The following NCOA2 variants were observed in gnomAD, a reference collection of about 807,000 sequenced individuals.
The protein encoded by NCOA2 is nuclear receptor coactivator 2.
NCOA2 carries 21 observed loss-of-function variants against 145.1 expected under a neutral mutation model. The ratio of observed to expected loss-of-function variants is 0.14; its 90% CI spans 0.10 to 0.21. The LOEUF (loss-of-function observed/expected upper bound fraction) is 0.21, where lower values mean the gene tolerates loss of function less well. Ranked by LOEUF, NCOA2 falls within the 10% of genes least tolerant of loss-of-function variation. The pLI is 1.00. For synonymous variants in NCOA2, 619 were observed against 637.5 expected (o/e 0.97, Z 0.44); for missense variants, 1,472 against 1,837.6 (o/e 0.80, Z 3.64).
At chr8:70,453,387 T>A in the NCOA2 span, among the ~76,000 whole-genome samples, 1 of 152,210 alleles carries the variant, frequency 6.6e-6, no homozygotes, top group Non-Finnish European at 1.5e-5. Flanking sequence ...GTTGCCTCCT[T>A]CTTCACACAT....
chr8:70,141,287 T>A lies in NCOA2; in HGVS notation c.2925A>T (p.Pro975=), dbSNP rs780587178. The part of the protein sequence containing the change: ...CAATTSAMNR[P]VQGGMIRNPA... ...GGTTCCGAATCATACCTCCTTGGAC[T>A]GGCCGGTTCATGGCACTGGTGGTAG... is the stretch of plus-strand genomic sequence containing the variant. Residue 975 remains proline (P), a synonymous_variant, in exon 14 of 23, where the codon CCA becomes CCT. Transcript: ENST00000452400. The A allele has an allele frequency of 6.2e-7, 1 of 1,613,986 alleles. No homozygotes were observed. Among genetic ancestry groups the A allele is most frequent in the Non-Finnish European group, 8.5e-7 (1 of 1,179,882 alleles).
chr8:70,199,917 G>T (rs924863700), intron 4 of NCOA2, among the ~76,000 whole-genome samples: 27 of 152,114 alleles, frequency 1.8e-4, no homozygotes, highest in African/African-American at 6.5e-4. Context: ...GTATCCATGG[G>T]TTCTGCATTG....
At chr8:70,213,132 A>G (rs1819228044) in intron 4 of NCOA2, among the ~76,000 whole-genome samples, 1 of 151,406 alleles carries the variant, frequency 6.6e-6, no homozygotes, top group Non-Finnish European at 1.5e-5. Flanking sequence ...ATTACAAAAG[A>G]TAATAATCTC....
intron 1 of NCOA2, among the ~76,000 whole-genome samples, chr8:70,387,727 T>C (rs1812800538): frequency 1.3e-5 from 2 of 151,990 alleles, no homozygotes; most frequent in South Asian, 2.1e-4. Context: ...GGGGGGCAGC[T>C]TGGGACTAAG....
the NCOA2 span, among the ~76,000 whole-genome samples, chr8:70,435,943 T>C: frequency 0.094 from 14,317 of 152,116 alleles, 940 homozygotes; most frequent in Middle Eastern, 0.19. Context: ...GGACTACAGG[T>C]GCGTGCCACG....
chr8:70,156,450 T>C lies in NCOA2; in HGVS notation c.1915A>G (p.Thr639Ala), dbSNP rs1208909218. 1 of 1,613,832 alleles carries C rather than the reference T, an allele frequency of 6.2e-7. No individual in the cohort carries two copies. Among genetic ancestry groups the C allele is most frequent in the African/African-American group, 1.3e-5 (1 of 74,928 alleles). ...GTGGTCAGCAGCTGCAGGAGTTTGG[T>C]CTGCCCTTTGCTGTCATGCAGTCTG... ...QSRLHDSKGQ[T>A]KLLQLLTTKS... The change falls in exon 11 of 23, where the codon ACC becomes GCC. Residue 639 changes from threonine (T) to alanine (A), a missense_variant. Coordinates refer to ENST00000452400, the MANE Select transcript of NCOA2 (RefSeq NM_006540.4).
chr8:70,147,174 C>T lies in NCOA2; in HGVS notation c.2605+1099G>A, dbSNP rs527561087. On this transcript the variant is annotated intron_variant, in intron 12 of 22. Transcript: ENST00000452400. Reference sequence around the variant, plus strand: ...CTGAGATGGAGTTTTGCTCTGTCGCCCAGGCTGGAGTACAGCGGCGCAATC... The same window carrying T: ...CTGAGATGGAGTTTTGCTCTGTCGCTCAGGCTGGAGTACAGCGGCGCAATC... Among the ~76,000 whole-genome samples the T allele has an allele frequency of 3.9e-3, 594 of 151,544 alleles. 4 individuals carry two copies. The highest frequency in any genetic ancestry group is 0.014 in the African/African-American group (563 of 41,222).
At position 70,380,834 on chromosome 8, in the gene NCOA2, G is replaced by A. The variant is rs907411954; in HGVS notation, c.-77+22866C>T. Among the ~76,000 whole-genome samples, 7 of 152,122 alleles carry A rather than the reference G, an allele frequency of 4.6e-5. No individual in the cohort carries two copies. In the East Asian group the frequency reaches 1.3e-3, roughly 29 times the overall value. On this transcript the variant is annotated intron_variant, in intron 1 of 22. Transcript: ENST00000452400. ...TCCCGTCTGTAATCCCAGCACTTTC[G>A]GAGGCCAAGTTAGGCAGATGACTTG...
intron 1 of NCOA2, among the ~76,000 whole-genome samples, chr8:70,310,129 G>A (rs1034354680): frequency 4.0e-5 from 6 of 151,858 alleles, no homozygotes; most frequent in Non-Finnish European, 7.4e-5. Flanking sequence ...CCGGGAGTTC[G>A]AGACCAGCAA....
intron 1 of NCOA2, among the ~76,000 whole-genome samples, chr8:70,298,533 T>C (rs1827249728): frequency 6.6e-6 from 1 of 152,194 alleles, no homozygotes; most frequent in Admixed American, 6.5e-5. Context: ...CATCAACTCT[T>C]TCTAACACTA....
chr8:70,323,158 T>G (rs192265519), intron 1 of NCOA2, among the ~76,000 whole-genome samples: 3 of 152,238 alleles, frequency 2.0e-5, no homozygotes, highest in African/African-American at 7.2e-5. Flanking sequence ...CTGGTCAGTA[T>G]GTACTGAGTC....
At chr8:70,312,810 T>C (rs1440341794) in intron 1 of NCOA2, among the ~76,000 whole-genome samples, 6 of 151,794 alleles carry the variant, frequency 4.0e-5, no homozygotes, top group Admixed American at 1.3e-4. Flanking sequence ...TAGAGAACTA[T>C]GGTAAAAAAT....
chr8:70,115,018 G>T (rs1433804308), intron 22 of NCOA2, among the ~76,000 whole-genome samples: 1 of 152,136 alleles, frequency 6.6e-6, no homozygotes, highest in African/African-American at 2.4e-5. Flanking sequence ...AAGCTGAATA[G>T]ATATGTATTC....
chr8:70,340,980 C>T (rs746205925), intron 1 of NCOA2, among the ~76,000 whole-genome samples: 7 of 150,400 alleles, frequency 4.7e-5, no homozygotes, highest in Non-Finnish European at 1.0e-4. Flanking sequence ...GACCTTAATA[C>T]GTAGGTGATG....
intron 1 of NCOA2, among the ~76,000 whole-genome samples, chr8:70,368,560 T>A (rs1479586030): frequency 6.6e-6 from 1 of 152,242 alleles, no homozygotes; most frequent in Non-Finnish European, 1.5e-5. Flanking sequence ...GTTATCTATA[T>A]CAATGAAATT....
chr8:70,262,076 G>A (rs1422037096), intron 2 of NCOA2, among the ~76,000 whole-genome samples: 1 of 151,944 alleles, frequency 6.6e-6, no homozygotes, highest in East Asian at 1.9e-4. Context: ...AAATTAGCAA[G>A]CACCTCACAC....
chr8:70,127,903 T>G (rs908771421), intron 18 of NCOA2, among the ~76,000 whole-genome samples: 1 of 152,224 alleles, frequency 6.6e-6, no homozygotes, highest in African/African-American at 2.4e-5. Flanking sequence ...TTGCATTTTT[T>G]GCTTTTCCTG....
chr8:70,267,708 T>G (rs1824731947), intron 2 of NCOA2, among the ~76,000 whole-genome samples: 1 of 152,216 alleles, frequency 6.6e-6, no homozygotes, highest in African/African-American at 2.4e-5. Flanking sequence ...TACAGAAATA[T>G]TCAAATATTC....
In NCOA2 at chr8:70,163,447, T is replaced by C. The variant is rs1367354660; in HGVS notation, c.832+18A>G. 1.4e-5 allele frequency: 22 copies of C among 1,577,892 alleles called. No homozygotes were observed. The highest frequency in any genetic ancestry group is 1.8e-5 in the Non-Finnish European group (21 of 1,147,598). On this transcript the variant is annotated intron_variant, in intron 8 of 22. Coordinates refer to ENST00000452400, the MANE Select transcript of NCOA2 (RefSeq NM_006540.4). ...TTCTAAAATGATTCCTTTGGTCTTC[T>C]TTGGAGAGGAAATTTACCTTGGAGA...
Sources: allele counts gnomAD v4.1 joint callset (sites outside exome capture counted in the v4.1 genomes callset), GRCh38; gene constraint gnomAD v4.1.1; transcripts MANE v1.5; gene names NCBI Gene and HGNC (gene_info 2026-07-23, HGNC 2026-07-21).